Variants in CDH4 observed in about 807,000 individuals in gnomAD.
The protein encoded by CDH4 is cadherin 4, also known as cadherin-4.
A neutral mutation model predicts 86.0 loss-of-function variants in CDH4; 33 were observed. That is an observed-to-expected ratio of 0.38 (90% CI 0.29 to 0.51). CDH4 has a LOEUF of 0.51. Ranked by LOEUF, CDH4 falls within the 20% of genes least tolerant of loss-of-function variation. CDH4 has a pLI of 0.86. For missense variants in CDH4, 1,114 were observed against 1,307.4 expected, an observed-to-expected ratio of 0.85 and a Z score of 2.28; for synonymous variants, 555 against 549.4, an observed-to-expected ratio of 1.01 and a Z score of -0.14.
At chr20:61,495,573 G>T (rs545583939) in intron 2 of CDH4, among the ~76,000 whole-genome samples, 2 of 152,250 alleles carry the variant, frequency 1.3e-5, no homozygotes, top group South Asian at 4.2e-4. Context: ...GACAGAGCAA[G>T]ACCTTGTCTC....
chr20:61,360,356 C>A (rs145066783), intron 2 of CDH4, among the ~76,000 whole-genome samples: 1 of 152,288 alleles, frequency 6.6e-6, no homozygotes, highest in Non-Finnish European at 1.5e-5. Flanking sequence ...TGGTGTGTGC[C>A]CTCGGAGCAG....
Position 61,895,054 on chromosome 20 carries a change from C to A in CDH4, c.1188+7C>A, listed in dbSNP as rs113714586. 556 of 1,612,998 alleles carry A rather than the reference C, an allele frequency of 3.4e-4. 1 individual carries two copies. The African/African-American group carries it at 6.3e-3, about 18-fold the overall frequency. ...AGAATTTACCGCCAGCACGGTGAGT[C>A]CCTCGAAGCTGCCCAGTGACGCATG... On this transcript the variant is annotated splice_region_variant and intron_variant, in intron 8 of 15. Coordinates refer to ENST00000614565, the MANE Select transcript of CDH4 (RefSeq NM_001794.5).
chr20:61,838,093 C>T (rs1008452401), intron 4 of CDH4, among the ~76,000 whole-genome samples: 1 of 152,086 alleles, frequency 6.6e-6, no homozygotes, highest in Non-Finnish European at 1.5e-5. Context: ...AGGGCCAGGA[C>T]AGCCTTGGGT....
intron 3 of CDH4, among the ~76,000 whole-genome samples, chr20:61,756,009 C>T (rs2088560712): frequency 6.6e-6 from 1 of 152,244 alleles, no homozygotes; most frequent in South Asian, 2.1e-4. Context: ...CACGCCCAGC[C>T]CGTGCCCCCC....
intron 2 of CDH4, among the ~76,000 whole-genome samples, chr20:61,543,223 C>A (rs2086053633): frequency 6.6e-6 from 1 of 152,234 alleles, no homozygotes; most frequent in Non-Finnish European, 1.5e-5. Flanking sequence ...CTCACAGACA[C>A]ACCCAGGAGC....
At chr20:61,787,405 G>A (rs775482004) in intron 4 of CDH4, among the ~76,000 whole-genome samples, 1 of 152,158 alleles carries the variant, frequency 6.6e-6, no homozygotes, top group Non-Finnish European at 1.5e-5. Context: ...GCAGAGGAAA[G>A]CCCCTTATAA....
At chr20:61,789,366 G>A (rs1417877048) in intron 4 of CDH4, among the ~76,000 whole-genome samples, 6 of 152,200 alleles carry the variant, frequency 3.9e-5, no homozygotes, top group Non-Finnish European at 7.3e-5. Context: ...AAGCCATGGA[G>A]CCTTGGTGTC....
At chr20:61,346,755 AAATT>A (rs1169245341) in intron 2 of CDH4, among the ~76,000 whole-genome samples, 2 of 152,040 alleles carry the variant, frequency 1.3e-5, no homozygotes, top group African/African-American at 2.4e-5. Flanking sequence ...AAAAAAAAAA[AAATT>A]AACCCCTCTG....
intron 2 of CDH4, among the ~76,000 whole-genome samples, chr20:61,607,850 A>G (rs1221147256): frequency 1.3e-5 from 2 of 152,174 alleles, no homozygotes; most frequent in African/African-American, 4.8e-5. Flanking sequence ...GGCTGGTTTG[A>G]TGCTTTTGTT....
intron 2 of CDH4, among the ~76,000 whole-genome samples, chr20:61,352,517 G>A (rs1431711860): frequency 1.3e-5 from 2 of 152,306 alleles, no homozygotes; most frequent in East Asian, 1.9e-4. Context: ...GGTGTGAGCC[G>A]CCTGTGGGGC....
chr20:61,282,765 G>T (rs2123165965), intron 2 of CDH4, among the ~76,000 whole-genome samples: 1 of 152,378 alleles, frequency 6.6e-6, no homozygotes, highest in Middle Eastern at 3.4e-3. Flanking sequence ...TGCTGTGTAT[G>T]CACACGGATA....
At chr20:61,711,087 C>G (rs2087886665) in intron 2 of CDH4, among the ~76,000 whole-genome samples, 1 of 152,212 alleles carries the variant, frequency 6.6e-6, no homozygotes, top group Non-Finnish European at 1.5e-5. Context: ...GTAATTGGAT[C>G]ATAGGGGCAG....
chr20:61,473,921 A>G (rs1479591444), intron 2 of CDH4, among the ~76,000 whole-genome samples: 1 of 152,142 alleles, frequency 6.6e-6, no homozygotes, highest in Non-Finnish European at 1.5e-5. Context: ...ATGAATAGCC[A>G]GGTATAAATC....
At chr20:61,261,789 C>A (rs899715215) in intron 2 of CDH4, among the ~76,000 whole-genome samples, 5 of 152,186 alleles carry the variant, frequency 3.3e-5, no homozygotes, top group Non-Finnish European at 7.3e-5. Flanking sequence ...TAAACAGAGG[C>A]CCTCAGTGTG....
intron 5 of CDH4, 112 bp from the exon 6 acceptor site, chr20:61,852,642 C>T (rs938748227): frequency 3.5e-6 from 4 of 1,137,640 alleles, no homozygotes; most frequent in South Asian, 3.6e-5. Context: ...GCCCCTATAG[C>T]CAACCTGCTT....
chr20:61,619,110 C>T lies in CDH4; in HGVS notation c.170-124453C>T, dbSNP rs548177755. 3.9e-5 allele frequency among the ~76,000 whole-genome samples: 6 copies of T among 152,316 alleles called. No individual in the cohort carries two copies. In the South Asian group the frequency reaches 1.2e-3, roughly 32 times the overall value. On this transcript the variant is annotated intron_variant, in intron 2 of 15. Transcript: ENST00000614565. ...GCCCAGCTGCAGTTGCACACCTAGC[C>T]CTGCTATGTGCTTGGCAGGTCTCAG...
At chr20:61,288,229 G>GC (rs1342136238) in intron 2 of CDH4, among the ~76,000 whole-genome samples, 1 of 152,136 alleles carries the variant, frequency 6.6e-6, no homozygotes, top group Non-Finnish European at 1.5e-5. Context: ...CATGGGATTG[G>GC]CTGTATTTTC....
chr20:61,657,017 T>C (rs1195611534), intron 2 of CDH4, among the ~76,000 whole-genome samples: 2 of 152,218 alleles, frequency 1.3e-5, no homozygotes, highest in African/African-American at 4.8e-5. Flanking sequence ...GGCATGTGTC[T>C]TAGAGCATCT....
chr20:61,816,405 T>C (rs1200087486), intron 4 of CDH4, among the ~76,000 whole-genome samples: 1 of 152,246 alleles, frequency 6.6e-6, no homozygotes, highest in African/African-American at 2.4e-5. Flanking sequence ...TATTTTCCAC[T>C]TTCTTAAACA....
Sources: allele counts gnomAD v4.1 joint callset (sites outside exome capture counted in the v4.1 genomes callset), GRCh38; gene constraint gnomAD v4.1.1; transcripts MANE v1.5; gene names NCBI Gene and HGNC (gene_info 2026-07-23, HGNC 2026-07-21).